Variants in BAIAP2 observed in about 807,000 individuals in gnomAD.
The protein encoded by BAIAP2 is BAR/IMD domain-containing adapter protein 2.
A neutral mutation model predicts 63.0 loss-of-function variants in BAIAP2; 18 were observed. The observed-to-expected ratio is 0.29, with a 90% confidence interval of 0.20 to 0.42. The LOEUF is 0.42. Among genes scored for constraint, BAIAP2 ranks in the 10% least tolerant of loss-of-function variants. The probability of loss-of-function intolerance (pLI) is 1.00; values close to 1 mark genes in which losing one functional copy is unlikely to be tolerated. For missense variants in BAIAP2, 610 were observed against 734.3 expected (o/e 0.83, Z 1.96); for synonymous variants, 386 against 307.6 (o/e 1.25, Z -2.67).
At chr17:81,101,543 C>T (rs1030326488) in intron 7 of BAIAP2, among the ~76,000 whole-genome samples, 1 of 152,194 alleles carries the variant, frequency 6.6e-6, no homozygotes, top group Admixed American at 6.5e-5. Flanking sequence ...CTGGTCATGT[C>T]TTTCTAAAAT....
At position 81,115,626 on chromosome 17, in the gene BAIAP2, G is replaced by A. The variant is rs901967340; in HGVS notation, c.1536-144G>A. Reference sequence around the variant, plus strand: ...GGTCCTCCCTGCCCCGCAAAGCAGCGTATATTGTCTGTGAGCTCTGTGCCC... The same window carrying A: ...GGTCCTCCCTGCCCCGCAAAGCAGCATATATTGTCTGTGAGCTCTGTGCCC... On this transcript the variant is annotated intron_variant, in intron 13 of 13. Coordinates refer to ENST00000428708, the MANE Select transcript of BAIAP2 (RefSeq NM_001144888.2). 3.1e-5 allele frequency: 30 copies of A among 970,336 alleles called. No homozygotes were observed. In the Middle Eastern group the frequency reaches 6.8e-4, roughly 22 times the overall value. 60.1% of individuals were successfully genotyped at this position (970,336 alleles called of 1,614,324 possible).
chr17:81,085,827 G>A (rs551903994), intron 5 of BAIAP2, 102 bp downstream of exon 5: 11 of 889,724 alleles, frequency 1.2e-5, no homozygotes, highest in South Asian at 7.6e-5. Context: ...CCACTTCCCC[G>A]AGCTCCCCGT....
In BAIAP2 at chr17:81,058,976, C is replaced by T. The variant is rs1036317237; in HGVS notation, c.217+1009C>T. On this transcript the variant is annotated intron_variant, in intron 3 of 13. Transcript: ENST00000428708. ...CCAGCTCCCAGAAGAGGCTCCGTCT[C>T]CCTAATGCTGAGGCTCTGGGGCTGG... 3.9e-5 allele frequency among the ~76,000 whole-genome samples: 6 copies of T among 152,228 alleles called. No homozygotes were observed. In the South Asian group the frequency reaches 6.2e-4, roughly 16 times the overall value.
At chr17:81,088,959 C>T (rs373971913) in intron 6 of BAIAP2, among the ~76,000 whole-genome samples, 5 of 152,370 alleles carry the variant, frequency 3.3e-5, no homozygotes, top group South Asian at 4.1e-4. Flanking sequence ...TCACTGTGGC[C>T]CTGCCGCACC....
intron 3 of BAIAP2, among the ~76,000 whole-genome samples, chr17:81,080,154 G>C (rs1285555556): frequency 1.3e-5 from 2 of 152,310 alleles, no homozygotes; most frequent in East Asian, 3.9e-4. Flanking sequence ...TTAGGGGCCT[G>C]GTGCTCCATG....
intron 11 of BAIAP2, 105 bp from the exon 12 acceptor site, chr17:81,106,640 T>C (rs111361822): frequency 1.5e-6 from 2 of 1,364,452 alleles, no homozygotes; most frequent in Admixed American, 1.9e-5. Flanking sequence ...CCTCCCCGCA[T>C]GTGGCGTGGG....
At position 81,057,973 on chromosome 17, in the gene BAIAP2, A is replaced by C. The variant is rs1243104602; in HGVS notation, c.217+6A>C. The C allele has an allele frequency of 8.0e-4, 612 of 765,456 alleles. No individual in the cohort carries two copies. Among genetic ancestry groups the C allele is most frequent in the African/African-American group, 3.6e-3 (81 of 22,704 alleles). The allele number at this position is 765,456 out of a possible 1,614,324, so 47.4% of individuals were successfully genotyped here. A position where few individuals can be genotyped will look rare whatever the true frequency, so the allele number is the denominator to read the frequency against. The stretch of plus-strand genomic sequence containing the variant: ...CCAGGGCTCCAAAGAACTCGGTGAG[A>C]CCCCCCCCCCCCCCCCGCCTGGTAG... On this transcript the variant is annotated splice_donor_region_variant and intron_variant, in intron 3 of 13. Coordinates refer to ENST00000428708, the MANE Select transcript of BAIAP2 (RefSeq NM_001144888.2).
At chr17:81,107,005 C>G in intron 12 of BAIAP2, 98 bp downstream of exon 12, 1 of 1,362,446 alleles carries the variant, frequency 7.3e-7, no homozygotes, top group South Asian at 1.5e-5. Context: ...GGCGGGGCGC[C>G]TGGGGGTCTG....
At chr17:81,089,229 C>A (rs539455770) in intron 6 of BAIAP2, among the ~76,000 whole-genome samples, 2 of 152,326 alleles carry the variant, frequency 1.3e-5, no homozygotes, top group African/African-American at 4.8e-5. Context: ...GTTGGGGGAC[C>A]ATGTTGGTGC....
chr17:81,061,950 T>TA (rs2050626600), intron 3 of BAIAP2, among the ~76,000 whole-genome samples: 1 of 152,152 alleles, frequency 6.6e-6, no homozygotes, highest in Non-Finnish European at 1.5e-5. Flanking sequence ...ATAGTGGTTT[T>TA]AGTTTTTTTT....
At chr17:81,053,128 G>A (rs1182585315) in intron 1 of BAIAP2, among the ~76,000 whole-genome samples, 2 of 152,220 alleles carry the variant, frequency 1.3e-5, no homozygotes, top group African/African-American at 2.4e-5. Flanking sequence ...ATGCCCGTCC[G>A]TCGGGCAAAC....
chr17:81,069,187 C>G (rs913743706), intron 3 of BAIAP2, among the ~76,000 whole-genome samples: 1 of 152,062 alleles, frequency 6.6e-6, no homozygotes, highest in East Asian at 1.9e-4. Context: ...TGACGGTCTC[C>G]TAGGTACAGT....
intron 3 of BAIAP2, among the ~76,000 whole-genome samples, chr17:81,060,710 TCAAA>T (rs1435148040): frequency 6.6e-6 from 1 of 152,162 alleles, no homozygotes; most frequent in African/African-American, 2.4e-5. Flanking sequence ...CATCCTTGTT[TCAAA>T]CAAAGTCAGC....
rs2059153147 is a variant in BAIAP2 at position 81,106,112 on chromosome 17, T to G, written c.1303T>G (p.Leu435Val). 1 of 1,584,870 alleles carries G rather than the reference T, an allele frequency of 6.3e-7. No individual in the cohort carries two copies. The highest frequency in any genetic ancestry group is 1.3e-5 in the African/African-American group (1 of 74,720). ...GTTTCCCTTCTCCTACACCCGGGTC[T>G]TGGACAGCGATGGCAGTGACAGGCT... is the stretch of plus-strand genomic sequence containing the variant. ...GWFPFSYTRV[L>V]DSDGSDRLHM... The change falls in exon 11 of 14, where the codon TTG becomes GTG. Residue 435 changes from leucine to valine, a missense_variant. By Grantham distance (32) the Leu-to-Val change is conservative. Around this residue, in one of 5 missense-constraint regions of BAIAP2, gnomAD observed 29 missense variants for 23.2 expected, o/e 1.25. Coordinates refer to ENST00000428708, the MANE Select transcript of BAIAP2 (RefSeq NM_001144888.2).
In BAIAP2 at chr17:81,100,045, G is replaced by A. The variant is rs756060126; in HGVS notation, c.607G>A (p.Ala203Thr). 5.0e-5 allele frequency: 80 copies of A among 1,612,242 alleles called. 1 individual carries two copies. The highest frequency in any genetic ancestry group is 6.7e-5 in the East Asian group (3 of 44,850). ...RFCFLVEKQC[A>T]VAKNSAAYHS... ...CTGCTTCCTGGTGGAGAAGCAGTGC[G>A]CCGTGGCCAAGAACTCCGCGGCCTA... The change falls in exon 7 of 14, where the codon GCC becomes ACC. Residue 203 changes from alanine (A) to threonine (T), a missense_variant. Around this residue, in one of 5 missense-constraint regions of BAIAP2, gnomAD observed 389 missense variants for 455.6 expected, o/e 0.85. Coordinates refer to ENST00000428708, the MANE Select transcript of BAIAP2 (RefSeq NM_001144888.2).
At chr17:81,070,862 G>A (rs775929594) in intron 3 of BAIAP2, among the ~76,000 whole-genome samples, 1 of 152,236 alleles carries the variant, frequency 6.6e-6, no homozygotes, top group East Asian at 1.9e-4. Flanking sequence ...GCGTGATGGT[G>A]CGTTGCTGGT....
intron 3 of BAIAP2, among the ~76,000 whole-genome samples, chr17:81,077,004 G>A (rs2053769239): frequency 6.6e-6 from 1 of 152,104 alleles, no homozygotes; most frequent in Admixed American, 6.5e-5. Context: ...GAGGCAGGCT[G>A]CACCATGGAT....
chr17:81,082,197 A>T (rs932089028), intron 3 of BAIAP2, among the ~76,000 whole-genome samples: 1 of 152,118 alleles, frequency 6.6e-6, no homozygotes, highest in Non-Finnish European at 1.5e-5. Context: ...GACTCGGGTC[A>T]CGGCCAGGCA....
intron 3 of BAIAP2, among the ~76,000 whole-genome samples, chr17:81,069,443 G>A (rs1191796022): frequency 6.6e-6 from 1 of 152,044 alleles, no homozygotes; most frequent in African/African-American, 2.4e-5. Flanking sequence ...AGAGAGGCTG[G>A]GGAGTGGTCC....
Sources: gnomAD v4.1 joint callset for allele counts (sites outside exome capture counted in the v4.1 genomes callset) on GRCh38, gnomAD v4.1.1 for gene constraint, gnomAD v4.1.1 regional missense constraint, MANE v1.5 for transcripts, NCBI Gene and HGNC (gene_info 2026-07-23, HGNC 2026-07-21) for gene names.